Variants in MPP7 observed in about 807,000 individuals in gnomAD.
The protein encoded by MPP7 is MAGUK p55 subfamily member 7.
MPP7 carries 60 observed loss-of-function variants against 76.5 expected under a neutral mutation model. That is an observed-to-expected ratio of 0.78 (90% CI 0.64 to 0.97). The LOEUF (loss-of-function observed/expected upper bound fraction) is 0.97. Ranked by LOEUF, MPP7 falls within the 50% of genes least tolerant of loss-of-function variation. The pLI, the probability that MPP7 is intolerant of heterozygous loss-of-function variation, is 0.00. For synonymous variants in MPP7, 237 were observed against 244.5 expected (o/e 0.97, Z 0.29); for missense variants, 641 against 694.0 (o/e 0.92, Z 0.86).
intron 1 of MPP7, among the ~76,000 whole-genome samples, chr10:28,297,120 C>T (rs544536884): frequency 3.9e-5 from 6 of 152,328 alleles, no homozygotes; most frequent in African/African-American, 7.2e-5. Flanking sequence ...TTCCAGACCA[C>T]CTTAGTAAAA....
chr10:28,094,284 A>G (rs1008658756), intron 11 of MPP7, among the ~76,000 whole-genome samples: 1 of 151,174 alleles, frequency 6.6e-6, no homozygotes, highest in African/African-American at 2.5e-5. Flanking sequence ...AATGCAAAGG[A>G]GCAAAGGCAG....
At chr10:28,140,510 C>CAAAAAAAAAAAAAAAAAAA (rs985397751) in intron 5 of MPP7, among the ~76,000 whole-genome samples, 1 of 141,052 alleles carries the variant, frequency 7.1e-6, no homozygotes, top group Non-Finnish European at 1.5e-5. Flanking sequence ...GACTTAGTTT[C>CAAAAAAAAAAAAAAAAAAA]AAAAAAAAAG....
At chr10:28,244,754 C>G (rs1839377537) in intron 1 of MPP7, among the ~76,000 whole-genome samples, 2 of 152,170 alleles carry the variant, frequency 1.3e-5, no homozygotes, top group Non-Finnish European at 2.9e-5. Context: ...CTAGGAAAGT[C>G]TGCCGGGAAC....
chr10:28,245,686 G>A (rs189001535), intron 1 of MPP7, among the ~76,000 whole-genome samples: 17 of 151,266 alleles, frequency 1.1e-4, no homozygotes, highest in African/African-American at 2.4e-4. Flanking sequence ...ACAGAGTTCC[G>A]CTCTTGTTGC....
chr10:28,233,806 G>A (rs543403925), intron 2 of MPP7, among the ~76,000 whole-genome samples: 49 of 151,916 alleles, frequency 3.2e-4, no homozygotes, highest in African/African-American at 1.1e-3. Flanking sequence ...GGAGGCTGAG[G>A]CAGGAGCATC....
chr10:28,262,143 C>T (rs1839970575), intron 1 of MPP7, among the ~76,000 whole-genome samples: 1 of 141,922 alleles, frequency 7.0e-6, no homozygotes, highest in Non-Finnish European at 1.5e-5. Flanking sequence ...GAGCAAGACT[C>T]TGTCTCAAAA....
intron 3 of MPP7, among the ~76,000 whole-genome samples, chr10:28,195,533 C>T (rs1025329235): frequency 2.6e-5 from 4 of 152,160 alleles, no homozygotes; most frequent in South Asian, 4.1e-4. Context: ...GTGATATAGC[C>T]ATACAATGTT....
At chr10:28,212,927 C>G (rs919397533) in intron 2 of MPP7, among the ~76,000 whole-genome samples, 2 of 152,022 alleles carry the variant, frequency 1.3e-5, no homozygotes, top group African/African-American at 4.8e-5. Flanking sequence ...ACAGACAACT[C>G]TTAGAAGGAG....
intron 2 of MPP7, among the ~76,000 whole-genome samples, chr10:28,323,932 G>A (rs879891931): frequency 9.9e-5 from 15 of 152,030 alleles, no homozygotes; most frequent in Non-Finnish European, 2.1e-4. Context: ...CACATTTTGC[G>A]TTCTAGGGAT....
chr10:28,119,010 G>C, intron 11 of MPP7: 2 of 985,346 alleles, frequency 2.0e-6, no homozygotes, highest in Non-Finnish European at 2.4e-6. Flanking sequence ...ATGGGATGCA[G>C]ACTTGAAGAG....
chr10:28,175,515 A>G (rs917189312), intron 3 of MPP7, among the ~76,000 whole-genome samples: 1 of 152,170 alleles, frequency 6.6e-6, no homozygotes, highest in African/African-American at 2.4e-5. Flanking sequence ...ATCTGGGAAA[A>G]CTGATACTAA....
chr10:28,297,968 CCATT>C lies in MPP7; in HGVS notation c.-132+4889_-132+4892del, dbSNP rs768797992. On this transcript the variant is annotated intron_variant, in intron 1 of 16. Coordinates refer to ENST00000683449, the MANE Select transcript of MPP7 (RefSeq NM_001318170.2). Reference sequence around the variant, plus strand: ...TCATTCAGAAGAAGCAACTCTTCATCCATTCGAGTTTGATAATAAGATTGCAGCA... The same window carrying C: ...TCATTCAGAAGAAGCAACTCTTCATCCGAGTTTGATAATAAGATTGCAGCA... 1.6e-4 allele frequency among the ~76,000 whole-genome samples: 24 copies of C among 152,174 alleles called. 1 individual carries two copies. Among genetic ancestry groups the C allele is most frequent in the Non-Finnish European group, 2.2e-4 (15 of 68,034 alleles).
At chr10:28,106,353 T>C (rs927096700) in intron 11 of MPP7, among the ~76,000 whole-genome samples, 3 of 152,314 alleles carry the variant, frequency 2.0e-5, no homozygotes, top group South Asian at 4.1e-4. Context: ...TAGGTGAAGA[T>C]AAGATGCCTG....
chr10:28,120,698 G>T, intron 8 of MPP7, 30 bp from the exon 9 acceptor site: 1 of 1,571,402 alleles, frequency 6.4e-7, no homozygotes, highest in Non-Finnish European at 8.7e-7. Context: ...GGAGTTATAA[G>T]AAAACCAGAC....
At chr10:28,180,961 A>T (rs1231327655) in intron 3 of MPP7, among the ~76,000 whole-genome samples, 1 of 152,226 alleles carries the variant, frequency 6.6e-6, no homozygotes, top group East Asian at 1.9e-4. Flanking sequence ...TGTAAACAGC[A>T]CTACTGCAGG....
intron 1 of MPP7, among the ~76,000 whole-genome samples, chr10:28,286,842 T>A (rs898037332): frequency 2.0e-5 from 3 of 152,150 alleles, no homozygotes; most frequent in Non-Finnish European, 4.4e-5. Context: ...AAAAATATCC[T>A]TGATGAAACA....
rs534738520 is a variant in MPP7, at chr10:28,187,456, C to A, written c.156+14697G>T. 1.2e-4 allele frequency among the ~76,000 whole-genome samples: 18 copies of A among 152,348 alleles called. No individual in the cohort carries two copies. The South Asian group carries it at 3.7e-3, about 32-fold the overall frequency. ...TTGATTGGCCAAGGAGCGTTACCAGCTGCTGCTACCCAAGTCTCCGCTCTG... is the reference window on the plus strand; with the variant it reads ...TTGATTGGCCAAGGAGCGTTACCAGATGCTGCTACCCAAGTCTCCGCTCTG... On this transcript the variant is annotated intron_variant, in intron 3 of 16. Transcript: ENST00000683449.
chr10:28,214,578 T>C (rs1437988882), intron 2 of MPP7, among the ~76,000 whole-genome samples: 1 of 152,184 alleles, frequency 6.6e-6, no homozygotes, highest in East Asian at 1.9e-4. Flanking sequence ...TATGAAGGGC[T>C]GGAGATGCCG....
rs200097323 is a variant in MPP7 at position 28,216,866 on chromosome 10, A to AT, written c.38-14596dup. 2.4e-3 allele frequency among the ~76,000 whole-genome samples: 349 copies of AT among 146,614 alleles called. 1 individual carries two copies. The highest frequency in any genetic ancestry group is 5.9e-3 in the African/African-American group (236 of 40,236). On this transcript the variant is annotated intron_variant, in intron 2 of 16. Coordinates refer to ENST00000683449, the MANE Select transcript of MPP7 (RefSeq NM_001318170.2). ...GTTAGTATTAAGCATTGTTATCCTCATTTTTTTTTTTGGCAGAACGAAAAC... is the reference window on the plus strand; with the variant it reads ...GTTAGTATTAAGCATTGTTATCCTCATTTTTTTTTTTTGGCAGAACGAAAAC...
Sources: allele counts gnomAD v4.1 joint callset (sites outside exome capture counted in the v4.1 genomes callset), GRCh38; gene constraint gnomAD v4.1.1; transcripts MANE v1.5; gene names NCBI Gene and HGNC (gene_info 2026-07-23, HGNC 2026-07-21).